Variants in PKD1 observed in about 807,000 individuals in gnomAD.
PKD1 encodes polycystin-1.
In PKD1, 81 loss-of-function variants were observed where a neutral mutation model predicts 361.7. That is an observed-to-expected ratio of 0.22 (90% CI 0.19 to 0.27). The LOEUF is 0.27. Among genes scored for constraint, PKD1 ranks in the 10% least tolerant of loss-of-function variants. PKD1 has a pLI of 1.00. For missense variants in PKD1, 6,399 were observed against 6,118.3 expected (o/e 1.05, Z -1.53); for synonymous variants, 3,615 against 2,818.3 (o/e 1.28, Z -8.95).
In PKD1 at chr16:2,105,338, G is replaced by A. The variant is rs760396516; in HGVS notation, c.8000C>T (p.Ala2667Val). 18 of 1,593,276 alleles carry A rather than the reference G, an allele frequency of 1.1e-5. No individual in the cohort carries two copies. The highest frequency in any genetic ancestry group is 6.7e-5 in the East Asian group (3 of 44,872). Reference sequence around the variant, plus strand: ...CCATCCTACCATGCACTGGGCCAGCGCAGCAGCGATCTGCTGGATGTCATC... The same window carrying A: ...CCATCCTACCATGCACTGGGCCAGCACAGCAGCGATCTGCTGGATGTCATC... ...TVDDIQQIAAALAQCMGPSRE... is the reference protein window; with the variant it reads ...TVDDIQQIAAVLAQCMGPSRE... Residue 2667 changes from alanine to valine, a missense_variant, in exon 21 of 46, where the codon GCG becomes GTG. Coordinates refer to ENST00000262304, the MANE Select transcript of PKD1 (RefSeq NM_001009944.3).
rs1332582106 is a variant in PKD1, at chr16:2,097,795, G to A, written c.10168-15C>T. The A allele has an allele frequency of 6.2e-7, 1 of 1,611,446 alleles. No homozygotes were observed. Among genetic ancestry groups the A allele is most frequent in the African/African-American group, 1.3e-5 (1 of 74,992 alleles). The stretch of plus-strand genomic sequence containing the variant: ...ACAAAGGCCTGCTGAGAGGTGCACA[G>A]TGTCTTGAGTCCAAGCTGCGCCAAG... On this transcript the variant is annotated splice_polypyrimidine_tract_variant and intron_variant, in intron 31 of 45. Coordinates refer to ENST00000262304, the MANE Select transcript of PKD1 (RefSeq NM_001009944.3).
chr16:2,134,597 G>A (rs1313013224), intron 1 of PKD1, among the ~76,000 whole-genome samples: 1 of 151,654 alleles, frequency 6.6e-6, no homozygotes, highest in African/African-American at 2.4e-5. Context: ...CCAAACCCCT[G>A]CTATGCACAT....
intron 38 of PKD1, 94 bp downstream of exon 38, chr16:2,092,860 G>A (rs1464946159): frequency 2.3e-5 from 34 of 1,447,252 alleles, no homozygotes; most frequent in Admixed American, 1.5e-4. Flanking sequence ...AGCCACAAAG[G>A]TATCTACACA....
intron 34 of PKD1, among the ~76,000 whole-genome samples, chr16:2,096,581 T>A (rs1265473614): frequency 1.3e-5 from 2 of 152,182 alleles, no homozygotes; most frequent in Non-Finnish European, 2.9e-5. Context: ...AGTGGCGCGA[T>A]CTCGGCTCAC....
chr16:2,101,612 C>T (rs1158213104), intron 26 of PKD1, among the ~76,000 whole-genome samples: 21 of 152,136 alleles, frequency 1.4e-4, no homozygotes, highest in Admixed American at 1.3e-3. Context: ...AGTGAGACTC[C>T]GTCTCTAAAA....
rs746835840 is a variant in PKD1 at position 2,116,947 on chromosome 16, C to T, written c.1492G>A (p.Gly498Arg). ...TCGGCTGTGGCTGGGTGTGGCTCCC[C>T]GGGCAGCCAGTTCTGGCAGCTCTCC... Reference protein sequence around the residue: ...SLESCQNWLPGEPHPATAEHC... With the variant: ...SLESCQNWLPREPHPATAEHC... The change falls in exon 7 of 46, where the codon GGG (glycine) becomes AGG (arginine). Residue 498 changes from glycine to arginine, a missense_variant. Transcript: ENST00000262304. The T allele has an allele frequency of 7.9e-6, 12 of 1,513,486 alleles. No homozygotes were observed. Among genetic ancestry groups the T allele is most frequent in the Non-Finnish European group, 8.9e-6 (10 of 1,122,846 alleles). 93.8% of individuals were successfully genotyped at this position (1,513,486 alleles called of 1,614,324 possible).
At chr16:2,096,109 C>G (rs1277959556) in intron 34 of PKD1, among the ~76,000 whole-genome samples, 3 of 152,366 alleles carry the variant, frequency 2.0e-5, no homozygotes, top group African/African-American at 4.8e-5. Context: ...GATGCAAAAG[C>G]AGCAGTCACG....
At chr16:2,104,817 G>C (rs1361927747) in intron 21 of PKD1, among the ~76,000 whole-genome samples, 175 bp from the exon 22 acceptor site, 40 of 140,640 alleles carry the variant, frequency 2.8e-4, no homozygotes, top group Non-Finnish European at 5.5e-4. Context: ...GCATGACCCA[G>C]GGCCTCCACC....
rs753367086 is a variant in PKD1, at chr16:2,116,635, T to C, written c.1616A>G (p.Gln539Arg). Residue 539 changes from glutamine (Q) to arginine (R), a missense_variant, in exon 8 of 46, where the codon CAG becomes CGG. Coordinates refer to ENST00000262304, the MANE Select transcript of PKD1 (RefSeq NM_001009944.3). ...TCCCACGAGGAGGTTCTCGGCATCC[T>C]GCACTGGGCCTGGGGTGGCGAGTGC... ...VCELQPGGPV[Q>R]DAENLLVGAP... 8.5e-6 allele frequency: 13 copies of C among 1,527,612 alleles called. No homozygotes were observed. The Admixed American group carries it at 1.5e-4, about 18-fold the overall frequency. 94.6% of individuals were successfully genotyped at this position (1,527,612 alleles called of 1,614,324 possible).
Position 2,134,508 on chromosome 16 carries a change from C to T in PKD1, c.215+967G>A, listed in dbSNP as rs901736993. Reference sequence around the variant, plus strand: ...AGACTGGTCCCAAGACTCTCCCCAGCGCTGGGGACAACTGTCTGCTTATCT... The same window carrying T: ...AGACTGGTCCCAAGACTCTCCCCAGTGCTGGGGACAACTGTCTGCTTATCT... On this transcript the variant is annotated intron_variant, in intron 1 of 45. Coordinates refer to ENST00000262304, the MANE Select transcript of PKD1 (RefSeq NM_001009944.3). Among the ~76,000 whole-genome samples the T allele has an allele frequency of 1.3e-3, 181 of 139,082 alleles. 4 individuals are homozygous for T. The highest frequency in any genetic ancestry group is 1.8e-3 in the Non-Finnish European group (116 of 66,016). The allele number at this position is 139,082 out of a possible 152,430, so 91.2% of individuals were successfully genotyped here.
intron 1 of PKD1, among the ~76,000 whole-genome samples, chr16:2,129,531 A>C (rs1056634674): frequency 6.9e-6 from 1 of 144,786 alleles, no homozygotes; most frequent in Non-Finnish European, 1.5e-5. Flanking sequence ...ATCTCTGTTC[A>C]GATCCTGTGA....
rs1215613927 is a variant in PKD1, at chr16:2,109,295, A to G, written c.5872T>C (p.Trp1958Arg). ...ACGATGCGCACCTGCGCCTGGGCCCAGCTCACGTGGTTTTTGCCCCGCACG... is the reference window on the plus strand; with the variant it reads ...ACGATGCGCACCTGCGCCTGGGCCCGGCTCACGTGGTTTTTGCCCCGCACG... ...VSVRGKNHVS[W>R]AQAQVRIVVL... is the part of the protein sequence containing the mutation. Residue 1958 changes from tryptophan (W) to arginine (R), a missense_variant, in exon 15 of 46, where the codon TGG becomes CGG. Coordinates refer to ENST00000262304, the MANE Select transcript of PKD1 (RefSeq NM_001009944.3). 3.8e-6 allele frequency: 6 copies of G among 1,584,660 alleles called. No homozygotes were observed. Among genetic ancestry groups the G allele is most frequent in the Non-Finnish European group, 5.1e-6 (6 of 1,167,834 alleles).
Position 2,105,850 on chromosome 16 carries a change from C to T in PKD1, c.7863+15G>A. The T allele has an allele frequency of 6.3e-7, 1 of 1,595,092 alleles. No individual in the cohort carries two copies. Among genetic ancestry groups the T allele is most frequent in the Non-Finnish European group, 8.5e-7 (1 of 1,178,760 alleles). On this transcript the variant is annotated intron_variant, in intron 20 of 45. Transcript: ENST00000262304. ...CATGCAGCAGATGTGACGTCCCCTCCCAGGCTGCACTCACCTCGTTCAGCA... is the reference window on the plus strand; with the variant it reads ...CATGCAGCAGATGTGACGTCCCCTCTCAGGCTGCACTCACCTCGTTCAGCA...
intron 34 of PKD1, among the ~76,000 whole-genome samples, chr16:2,096,085 T>A (rs2091833901): frequency 6.6e-6 from 1 of 152,200 alleles, no homozygotes; most frequent in Non-Finnish European, 1.5e-5. Context: ...AACACACAAA[T>A]CAAACTAGAT....
chr16:2,091,200 G>T (rs773610869), intron 42 of PKD1, 26 bp from the exon 43 acceptor site: 5 of 1,339,810 alleles, frequency 3.7e-6, no homozygotes, highest in East Asian at 3.3e-5. Context: ...TCAGGAGGGC[G>T]GGAGGGACGC....
chr16:2,090,857 C>G (rs763741124), intron 43 of PKD1, 27 bp downstream of exon 43: 1 of 1,608,520 alleles, frequency 6.2e-7, no homozygotes, highest in Admixed American at 1.7e-5. Context: ...GTGCGCCCAG[C>G]CCCGCGCCCA....
rs367732509 is a variant in PKD1, at chr16:2,109,640, C to T, written c.5527G>A (p.Gly1843Ser). ...TNVSWCWAVP[G>S]GSSKRGPHVT... ...TGAGGGCCACGCTTGCTGCTGCCGC[C>T]GGGCACAGCCCAGCACCAGCTCACA... Residue 1843 changes from glycine to serine, a missense_variant, in exon 15 of 46, where the codon GGC becomes AGC. Gly to Ser is a moderately conservative substitution (Grantham distance 56). Transcript: ENST00000262304. 1.1e-5 allele frequency: 17 copies of T among 1,598,088 alleles called. No homozygotes were observed. The highest frequency in any genetic ancestry group is 2.2e-5 in the South Asian group (2 of 89,258).
Position 2,100,439 on chromosome 16 carries a change from G to A in PKD1, c.9525C>T (p.Ser3175=). Residue 3175 remains serine, a synonymous_variant, in exon 27 of 46, where the codon AGC becomes AGT. Coordinates refer to ENST00000262304, the MANE Select transcript of PKD1 (RefSeq NM_001009944.3). This position sits in a 1 kb window ranked among gnomAD's most constrained non-coding sequence, Gnocchi z 4.4. ...LDIFRIATPH[S]LGSVWKIRVW... is the part of the protein sequence containing the mutation. ...CTCGGATCTTCCACACGCTACCCAGGCTGTGCGGGGTGGCGATCCGGAAGA... is the reference window on the plus strand; with the variant it reads ...CTCGGATCTTCCACACGCTACCCAGACTGTGCGGGGTGGCGATCCGGAAGA... 1 of 1,610,992 alleles carries A rather than the reference G, an allele frequency of 6.2e-7. No homozygotes were observed. The highest frequency in any genetic ancestry group is 2.2e-5 in the East Asian group (1 of 44,874).
In PKD1 at chr16:2,110,591, T is replaced by C. The variant is rs770563040; in HGVS notation, c.4576A>G (p.Arg1526Gly). The C allele has an allele frequency of 2.5e-6, 4 of 1,610,828 alleles. No individual in the cohort carries two copies. Among genetic ancestry groups the C allele is most frequent in the East Asian group, 4.5e-5 (2 of 44,864 alleles). Reference sequence around the variant, plus strand: ...CTCACCTCATTCCAGCCGGCCACCCTAACGGTGAAGTCACCTGTGCTGTTG... The same window carrying C: ...CTCACCTCATTCCAGCCGGCCACCCCAACGGTGAAGTCACCTGTGCTGTTG... ...AYNSTGDFTV[R>G]VAGWNEVSRS... is the part of the protein sequence containing the mutation. Residue 1526 changes from arginine (R) to glycine (G), a missense_variant, in exon 15 of 46, where the codon AGG (arginine) becomes GGG (glycine). Physicochemically the swap from Arg to Gly is moderately radical, Grantham distance 125. Transcript: ENST00000262304.
Sources: allele counts gnomAD v4.1 joint callset (sites outside exome capture counted in the v4.1 genomes callset), GRCh38; gene constraint gnomAD v4.1.1; non-coding constraint Gnocchi (gnomAD v3.1); transcripts MANE v1.5; gene names NCBI Gene and HGNC (gene_info 2026-07-23, HGNC 2026-07-21).